Variants in UBL3 observed in about 807,000 individuals in gnomAD.
UBL3 encodes the protein ubiquitin like 3.
A neutral mutation model predicts 18.4 loss-of-function variants in UBL3; 6 were observed. That is an observed-to-expected ratio of 0.33 (90% confidence interval 0.18 to 0.64). UBL3 has a LOEUF of 0.64. Among genes scored for constraint, UBL3 ranks in the 30% least tolerant of loss-of-function variants. The pLI, the probability that UBL3 is intolerant of heterozygous loss-of-function variation, is 0.76. For synonymous variants in UBL3, 49 were observed against 46.6 expected (o/e 1.05, Z -0.21); for missense variants, 109 against 142.9 (o/e 0.76, Z 1.21).
chr13:29,767,405 T>C, intron 4 of UBL3, 98 bp from the exon 5 acceptor site: 1 of 1,433,956 alleles, frequency 7.0e-7, no homozygotes, highest in Non-Finnish European at 9.5e-7. Flanking sequence ...GTTTTGAGTT[T>C]TTAAAAATGT....
chr13:29,793,240 C>T (rs932222916), intron 1 of UBL3, among the ~76,000 whole-genome samples: 2 of 152,020 alleles, frequency 1.3e-5, no homozygotes, highest in Non-Finnish European at 2.9e-5. Flanking sequence ...TAACAGACAG[C>T]AGAAATAATA....
At chr13:29,821,559 G>A (rs1878447219) in intron 1 of UBL3, among the ~76,000 whole-genome samples, 1 of 152,088 alleles carries the variant, frequency 6.6e-6, no homozygotes, top group Admixed American at 6.6e-5. Context: ...AAATGTCACT[G>A]GAACATGAAG....
intron 1 of UBL3, among the ~76,000 whole-genome samples, chr13:29,827,773 A>C (rs1232762177): frequency 6.6e-6 from 1 of 152,156 alleles, no homozygotes; most frequent in African/African-American, 2.4e-5. Context: ...TCTTCCTAGC[A>C]TTGATGGTCT....
Position 29,847,009 on chromosome 13 carries a change from T to G in UBL3, c.27+2503A>C, listed in dbSNP as rs1332070501. Among the ~76,000 whole-genome samples the G allele has an allele frequency of 3.3e-5, 5 of 152,208 alleles. No homozygotes were observed. In the South Asian group the frequency reaches 8.3e-4, roughly 25 times the overall value. ...GGTTTGGAGCGGTAAATTGTTGTCA[T>G]GAATGTAAACTAAAATCAATTGTCA... is the stretch of plus-strand genomic sequence containing the variant. On this transcript the variant is annotated intron_variant, in intron 1 of 4. Transcript: ENST00000380680.
chr13:29,784,178 A>T (rs1425704071), intron 1 of UBL3, among the ~76,000 whole-genome samples: 2 of 152,176 alleles, frequency 1.3e-5, no homozygotes, highest in African/African-American at 4.8e-5. Flanking sequence ...TATAGAACTT[A>T]GTTTATAAAA....
intron 1 of UBL3, among the ~76,000 whole-genome samples, chr13:29,818,060 A>G (rs1043384290): frequency 6.6e-6 from 1 of 152,224 alleles, no homozygotes; most frequent in Non-Finnish European, 1.5e-5. Context: ...TTCCTGGTAT[A>G]GAACATATTA....
chr13:29,805,058 C>A (rs1004088005), intron 1 of UBL3, among the ~76,000 whole-genome samples: 4 of 151,420 alleles, frequency 2.6e-5, no homozygotes, highest in Non-Finnish European at 4.4e-5. Flanking sequence ...TATTAAATAT[C>A]AAAATAGCCA....
At chr13:29,770,756 G>C (rs1876819701) in intron 3 of UBL3, among the ~76,000 whole-genome samples, 2 of 151,814 alleles carry the variant, frequency 1.3e-5, no homozygotes, top group African/African-American at 4.8e-5. Flanking sequence ...AATATAGCCA[G>C]GGAGCTAACA....
At chr13:29,795,235 C>T (rs1435289586) in intron 1 of UBL3, among the ~76,000 whole-genome samples, 1 of 152,082 alleles carries the variant, frequency 6.6e-6, no homozygotes, top group Non-Finnish European at 1.5e-5. Context: ...GATTTATAAA[C>T]TTTTATGTCC....
At chr13:29,825,571 GA>G (rs2139353349) in intron 1 of UBL3, among the ~76,000 whole-genome samples, 1 of 152,326 alleles carries the variant, frequency 6.6e-6, no homozygotes, top group Admixed American at 6.5e-5. Context: ...AGACTTTGCT[GA>G]AGTTGCTTAT....
At chr13:29,773,700 T>C (rs1430034059) in intron 2 of UBL3, among the ~76,000 whole-genome samples, 1 of 152,116 alleles carries the variant, frequency 6.6e-6, no homozygotes, top group Non-Finnish European at 1.5e-5. Context: ...TCTCCAGGGA[T>C]CTAAAATTTA....
intron 1 of UBL3, among the ~76,000 whole-genome samples, chr13:29,808,260 ATTC>A (rs1469727916): frequency 1.3e-4 from 20 of 152,218 alleles, no homozygotes; most frequent in Non-Finnish European, 2.8e-4. Context: ...GTGTCATAGT[ATTC>A]TTATTTGCTC....
intron 1 of UBL3, among the ~76,000 whole-genome samples, chr13:29,778,160 TA>T (rs1877051140): frequency 6.6e-6 from 1 of 152,160 alleles, no homozygotes; most frequent in Non-Finnish European, 1.5e-5. Flanking sequence ...ATATATTTTT[TA>T]GGGGGAGTAA....
intron 1 of UBL3, among the ~76,000 whole-genome samples, chr13:29,816,974 T>C (rs1486568014): frequency 6.6e-6 from 1 of 152,134 alleles, no homozygotes; most frequent in Admixed American, 6.6e-5. Flanking sequence ...GGATTCAAGA[T>C]GTGAGACGCA....
intron 1 of UBL3, among the ~76,000 whole-genome samples, chr13:29,811,473 A>C (rs1409796626): frequency 1.3e-5 from 2 of 152,082 alleles, no homozygotes; most frequent in Non-Finnish European, 2.9e-5. Flanking sequence ...TTCTGGACAA[A>C]GAGGTGTATG....
intron 2 of UBL3, among the ~76,000 whole-genome samples, chr13:29,776,869 CAAAAAAAAAAAAAAAAAAA>C (rs869080358): frequency 9.6e-5 from 6 of 62,732 alleles, no homozygotes; most frequent in African/African-American, 1.9e-4. Flanking sequence ...GACTCCATCT[CAAAAAAAAAAAAAAAAAAA>C]AAAAAAAAAA....
intron 1 of UBL3, among the ~76,000 whole-genome samples, chr13:29,821,951 T>C (rs1878464599): frequency 6.6e-6 from 1 of 152,168 alleles, no homozygotes; most frequent in Non-Finnish European, 1.5e-5. Context: ...TTAAATTAAA[T>C]TACCTGAATT....
At chr13:29,776,869 CAAAAAAAAAAAAAAAAA>C (rs869080358) in intron 2 of UBL3, among the ~76,000 whole-genome samples, 5 of 62,734 alleles carry the variant, frequency 8.0e-5, no homozygotes, top group East Asian at 4.9e-4. Context: ...GACTCCATCT[CAAAAAAAAAAAAAAAAA>C]AAAAAAAAAA....
chr13:29,823,987 T>C (rs1565998596), intron 1 of UBL3, among the ~76,000 whole-genome samples: 2 of 152,190 alleles, frequency 1.3e-5, no homozygotes, highest in South Asian at 4.1e-4. Flanking sequence ...GATAGTTTGC[T>C]GAGAATGATG....
Sources: gnomAD v4.1 joint callset for allele counts (sites outside exome capture counted in the v4.1 genomes callset) on GRCh38, gnomAD v4.1.1 for gene constraint, MANE v1.5 for transcripts, NCBI Gene and HGNC (gene_info 2026-07-23, HGNC 2026-07-21) for gene names.